Variants in ADAM18 observed in about 807,000 individuals in gnomAD.
ADAM18 encodes the protein disintegrin and metalloproteinase domain-containing protein 18.
Under a neutral mutation model 94.4 loss-of-function variants are expected in ADAM18, and 117 were observed. The ratio of observed to expected loss-of-function variants is 1.24; its 90% confidence interval spans 1.07 to 1.45. The LOEUF is 1.45. ADAM18 is among the 40% of genes most tolerant of loss of function. The pLI, the probability that ADAM18 is intolerant of heterozygous loss-of-function variation, is 0.00. For missense variants in ADAM18, 936 were observed against 880.0 expected, an observed-to-expected ratio of 1.06 and a Z score of -0.81; for synonymous variants, 327 against 291.6, an observed-to-expected ratio of 1.12 and a Z score of -1.24.
intron 2 of ADAM18, among the ~76,000 whole-genome samples, chr8:39,588,041 G>A (rs1818457562): frequency 6.6e-6 from 1 of 152,092 alleles, no homozygotes; most frequent in Non-Finnish European, 1.5e-5. Context: ...AATTTTTTTG[G>A]ATATGTAGCC....
intron 6 of ADAM18, among the ~76,000 whole-genome samples, chr8:39,620,357 C>CAAAAAAAAAAAA (rs61555393): frequency 2.8e-3 from 251 of 90,472 alleles, no homozygotes; most frequent in Middle Eastern, 6.5e-3. Flanking sequence ...GCAACAAAAG[C>CAAAAAAAAAAAA]AAAAAAAAAA....
intron 12 of ADAM18, among the ~76,000 whole-genome samples, chr8:39,649,935 C>G (rs1820486334): frequency 6.6e-6 from 1 of 152,176 alleles, no homozygotes; most frequent in Non-Finnish European, 1.5e-5. Context: ...TATTGAAATA[C>G]AGCCTTGCCC....
At chr8:39,638,902 C>T (rs138499619) in intron 10 of ADAM18, among the ~76,000 whole-genome samples, 132 of 151,884 alleles carry the variant, frequency 8.7e-4, no homozygotes, top group African/African-American at 2.8e-3. Flanking sequence ...TGAATTTGTG[C>T]TTGCAATTTT....
At chr8:39,615,721 G>A (rs1004747761) in intron 6 of ADAM18, among the ~76,000 whole-genome samples, 1 of 152,070 alleles carries the variant, frequency 6.6e-6, no homozygotes, top group African/African-American at 2.4e-5. Flanking sequence ...GAGCAATCAC[G>A]TAAGAGAAAG....
At chr8:39,656,251 A>G (rs536393835) in intron 12 of ADAM18, among the ~76,000 whole-genome samples, 1 of 152,224 alleles carries the variant, frequency 6.6e-6, no homozygotes, top group East Asian at 1.9e-4. Flanking sequence ...TTCATTATAA[A>G]ATTATAGTTA....
chr8:39,603,413 A>G (rs1370083208), intron 2 of ADAM18, among the ~76,000 whole-genome samples: 1 of 152,172 alleles, frequency 6.6e-6, no homozygotes, highest in Non-Finnish European at 1.5e-5. Flanking sequence ...ACCTGTGTCA[A>G]GCAAGTTACC....
intron 18 of ADAM18, among the ~76,000 whole-genome samples, chr8:39,711,152 A>G (rs932402920): frequency 6.6e-6 from 1 of 152,196 alleles, no homozygotes. Context: ...CTGAACAAAA[A>G]CTCTGGGAGT....
chr8:39,665,289 T>C (rs1043908351), intron 13 of ADAM18, among the ~76,000 whole-genome samples: 1 of 152,230 alleles, frequency 6.6e-6, no homozygotes, highest in Non-Finnish European at 1.5e-5. Flanking sequence ...AGTGACTGCA[T>C]ATTAGTAGTA....
chr8:39,654,305 T>C (rs1034256195), intron 12 of ADAM18, among the ~76,000 whole-genome samples: 1 of 151,176 alleles, frequency 6.6e-6, no homozygotes, highest in African/African-American at 2.5e-5. Flanking sequence ...CTCCTGACCT[T>C]GTGATCCACC....
At chr8:39,634,576 A>G (rs1820027172) in intron 7 of ADAM18, among the ~76,000 whole-genome samples, 1 of 152,154 alleles carries the variant, frequency 6.6e-6, no homozygotes, top group African/African-American at 2.4e-5. Flanking sequence ...TGCAGGCCTT[A>G]AGATTTAATA....
At chr8:39,617,459 TC>T (rs1324762461) in intron 6 of ADAM18, among the ~76,000 whole-genome samples, 2 of 152,090 alleles carry the variant, frequency 1.3e-5, no homozygotes, top group Non-Finnish European at 2.9e-5. Context: ...CATGGAACTA[TC>T]ATTCGACCCA....
chr8:39,678,793 G>A (rs890946009), intron 15 of ADAM18, among the ~76,000 whole-genome samples: 33 of 152,156 alleles, frequency 2.2e-4, no homozygotes, highest in African/African-American at 8.0e-4. Context: ...AATAGTACAT[G>A]AATTTTCCTG....
intron 6 of ADAM18, among the ~76,000 whole-genome samples, chr8:39,619,602 CCTAT>C (rs1212832467): frequency 2.0e-5 from 3 of 152,002 alleles, no homozygotes; most frequent in Non-Finnish European, 4.4e-5. Context: ...CCAATAATAA[CCTAT>C]CTGATAAAGA....
chr8:39,687,953 G>T (rs1821653224), intron 16 of ADAM18, among the ~76,000 whole-genome samples: 1 of 152,116 alleles, frequency 6.6e-6, no homozygotes, highest in East Asian at 1.9e-4. Flanking sequence ...TGTCTTTTTG[G>T]TAGAAGGACT....
chr8:39,654,180 C>CAA (rs1235341699), intron 12 of ADAM18, among the ~76,000 whole-genome samples: 1 of 120,116 alleles, frequency 8.3e-6, no homozygotes, highest in Non-Finnish European at 1.6e-5. Context: ...TTTTTGGAGA[C>CAA]AGAGTCTCGC....
intron 18 of ADAM18, among the ~76,000 whole-genome samples, chr8:39,720,926 T>C (rs1822725813): frequency 6.6e-6 from 1 of 151,484 alleles, no homozygotes; most frequent in South Asian, 2.1e-4. Context: ...CTGTAGAATA[T>C]TCACAGCAGC....
intron 3 of ADAM18, among the ~76,000 whole-genome samples, chr8:39,608,516 T>C (rs141516346): frequency 1.1e-4 from 16 of 152,090 alleles, no homozygotes; most frequent in Non-Finnish European, 1.9e-4. Context: ...CCTTGCATTT[T>C]CTATTAATTC....
intron 9 of ADAM18, 152 bp downstream of exon 9, chr8:39,637,855 A>G (rs1237567653): frequency 3.5e-6 from 2 of 579,088 alleles, no homozygotes; most frequent in East Asian, 6.6e-5. Flanking sequence ...TAGTGTACTT[A>G]AAAATATAAT....
At chr8:39,659,450 G>A (rs1820772550) in intron 12 of ADAM18, among the ~76,000 whole-genome samples, 1 of 151,576 alleles carries the variant, frequency 6.6e-6, no homozygotes, top group African/African-American at 2.4e-5. Context: ...TATAAACATT[G>A]AACAGTATAT....
Sources: allele counts gnomAD v4.1 joint callset (sites outside exome capture counted in the v4.1 genomes callset), GRCh38; gene constraint gnomAD v4.1.1; transcripts MANE v1.5; gene names NCBI Gene and HGNC (gene_info 2026-07-23, HGNC 2026-07-21).